KMT2C: variants seen among roughly 807,000 people sequenced by gnomAD.
The protein encoded by KMT2C is histone-lysine N-methyltransferase 2C.
KMT2C carries 88 observed loss-of-function variants against 507.9 expected under a neutral mutation model. The ratio of observed to expected loss-of-function variants is 0.17; its 90% CI spans 0.15 to 0.21. KMT2C has a LOEUF of 0.21. Ranked by LOEUF, KMT2C falls within the 10% of genes least tolerant of loss-of-function variation. The probability of loss-of-function intolerance (pLI) is 1.00; values close to 1 mark genes in which losing one functional copy is unlikely to be tolerated. For synonymous variants in KMT2C, 2,049 were observed against 2,080.8 expected (o/e 0.98, Z 0.42); for missense variants, 4,954 against 5,957.8 (o/e 0.83, Z 5.55).
rs542286309 is a variant in KMT2C at position 152,244,616 on chromosome 7, C to T, written c.2532+3286G>A. 3.9e-5 allele frequency among the ~76,000 whole-genome samples: 6 copies of T among 152,276 alleles called. No homozygotes were observed. The East Asian group carries it at 1.2e-3, about 29-fold the overall frequency. On this transcript the variant is annotated intron_variant, in intron 14 of 58. Transcript: ENST00000262189. The stretch of plus-strand genomic sequence containing the variant: ...AAAAGATGAGAAAATACAACTAGGT[C>T]ATTAGGACAATTTGTATGAAACAAT...
At position 152,162,818 on chromosome 7, in the gene KMT2C, G is replaced by C. The variant is rs567451018; in HGVS notation, c.10759C>G (p.Gln3587Glu). 19 of 1,614,102 alleles carry C rather than the reference G, an allele frequency of 1.2e-5. No homozygotes were observed. The highest frequency in any genetic ancestry group is 4.0e-5 in the African/African-American group (3 of 75,002). The change falls in exon 43 of 59, where the codon CAA (glutamine) becomes GAA (glutamate). Residue 3587 changes from glutamine to glutamate, a missense_variant. Transcript: ENST00000262189. The part of the protein sequence containing the change: ...THGHSYPGST[Q>E]SLIQLYSDII... Reference sequence around the variant, plus strand: ...TCAGAATACAACTGAATGAGCGATTGGGTTGATCCCGGATAACTGTGTCCA... The same window carrying C: ...TCAGAATACAACTGAATGAGCGATTCGGTTGATCCCGGATAACTGTGTCCA...
In KMT2C at chr7:152,372,148, C is replaced by T. The variant is rs572999524; in HGVS notation, c.162-13473G>A. On this transcript the variant is annotated intron_variant, in intron 1 of 58. Coordinates refer to ENST00000262189, the MANE Select transcript of KMT2C (RefSeq NM_170606.3). ...AAGAATTAAGCTCTCCAATAAGACA[C>T]AGATTGAATGGATTTTTGATTGTTT... Among the ~76,000 whole-genome samples the T allele has an allele frequency of 5.9e-5, 9 of 152,122 alleles. No homozygotes were observed. In the East Asian group the frequency reaches 1.7e-3, roughly 29 times the overall value.
chr7:152,234,267 A>C (rs1294933607), intron 16 of KMT2C, among the ~76,000 whole-genome samples: 1 of 152,192 alleles, frequency 6.6e-6, no homozygotes, highest in Non-Finnish European at 1.5e-5. Context: ...CTGTAATCCC[A>C]GCTACCCAGG....
Position 152,330,670 on chromosome 7 carries a change from G to A in KMT2C, c.320C>T (p.Thr107Ile). The change falls in exon 3 of 59, where the codon ACT becomes ATT. Residue 107 changes from threonine (T) to isoleucine (I), a missense_variant. Coordinates refer to ENST00000262189, the MANE Select transcript of KMT2C (RefSeq NM_170606.3). ...EVDNSKQLIPTLQRSVSEESA... is the reference protein window; with the variant it reads ...EVDNSKQLIPILQRSVSEESA... ...TTCCTCAGACACAGATCGCTGAAGAGTTGGAATTAGCTGTTTGCTGTTATC... is the reference window on the plus strand; with the variant it reads ...TTCCTCAGACACAGATCGCTGAAGAATTGGAATTAGCTGTTTGCTGTTATC... 6.2e-7 allele frequency: 1 copy of A among 1,614,042 alleles called. No homozygotes were observed. Among genetic ancestry groups the A allele is most frequent in the Non-Finnish European group, 8.5e-7 (1 of 1,179,898 alleles).
chr7:152,431,702 T>C (rs1173874233), intron 1 of KMT2C, among the ~76,000 whole-genome samples: 1 of 152,106 alleles, frequency 6.6e-6, no homozygotes, highest in Admixed American at 6.6e-5. Context: ...GTAGCAATCC[T>C]GAGTCAACTT....
At chr7:152,431,795 T>C (rs2097864678) in intron 1 of KMT2C, among the ~76,000 whole-genome samples, 1 of 152,162 alleles carries the variant, frequency 6.6e-6, no homozygotes, top group Non-Finnish European at 1.5e-5. Context: ...TCTTGGACAA[T>C]AAATTATTAA....
chr7:152,304,744 TTGC>T (rs1332663809), intron 6 of KMT2C, among the ~76,000 whole-genome samples: 1 of 152,196 alleles, frequency 6.6e-6, no homozygotes, highest in African/African-American at 2.4e-5. Context: ...TCTCACTATG[TTGC>T]TCAGGCTGGT....
chr7:152,215,252 A>G (rs1029058558), intron 23 of KMT2C, among the ~76,000 whole-genome samples: 3 of 151,954 alleles, frequency 2.0e-5, no homozygotes, highest in Admixed American at 6.6e-5. Flanking sequence ...GGTGGCTCAC[A>G]CCTGTAATCC....
At chr7:152,369,273 A>C (rs1213112739) in intron 1 of KMT2C, among the ~76,000 whole-genome samples, 2 of 152,086 alleles carry the variant, frequency 1.3e-5, no homozygotes, top group Non-Finnish European at 2.9e-5. Flanking sequence ...CAGTGAACCA[A>C]GATCACGCCA....
At position 152,163,338 on chromosome 7, in the gene KMT2C, G is replaced by C. The variant is rs1422436901; in HGVS notation, c.10239C>G (p.Ile3413Met). The C allele has an allele frequency of 1.2e-6, 2 of 1,614,032 alleles. No individual in the cohort carries two copies. Among genetic ancestry groups the C allele is most frequent in the Admixed American group, 3.3e-5 (2 of 60,002 alleles). ...GTCTATCTACCTCCTGCATGAGTTG[G>C]ATCCGTTGTCTCTCTTGCTGTTCTC... ...RLREQQERQR[I>M]QLMQEVDRQR... The change falls in exon 43 of 59, where the codon ATC becomes ATG. Residue 3413 changes from isoleucine (I) to methionine (M), a missense_variant. Ile to Met is a conservative substitution (Grantham distance 10). This residue lies in a region of KMT2C where 801 missense variants were observed against 751.2 expected (regional missense o/e 1.07). Transcript: ENST00000262189.
At chr7:152,194,151 T>C (rs1304897424) in intron 30 of KMT2C, 23 bp from the exon 31 acceptor site, 1 of 1,564,636 alleles carries the variant, frequency 6.4e-7, no homozygotes, top group Non-Finnish European at 8.6e-7. Context: ...ACAATAATAG[T>C]AACAAGATTA....
chr7:152,262,857 G>A (rs928674787), intron 9 of KMT2C, among the ~76,000 whole-genome samples, 159 bp downstream of exon 9: 2 of 152,156 alleles, frequency 1.3e-5, no homozygotes, highest in South Asian at 2.1e-4. Context: ...TCATTATCTT[G>A]AAGAGTGTAC....
At chr7:152,155,710 T>C (rs1055194810) in intron 46 of KMT2C, among the ~76,000 whole-genome samples, 200 bp downstream of exon 46, 8 of 152,178 alleles carry the variant, frequency 5.3e-5, no homozygotes, top group South Asian at 2.1e-4. Context: ...CTATATGATG[T>C]AGGCTTAAAA....
chr7:152,223,179 AAAT>A (rs1316414648), intron 20 of KMT2C, among the ~76,000 whole-genome samples: 1 of 152,198 alleles, frequency 6.6e-6, no homozygotes, highest in Non-Finnish European at 1.5e-5. Context: ...ACTACTGATA[AAAT>A]AATACTATTA....
intron 23 of KMT2C, among the ~76,000 whole-genome samples, chr7:152,211,358 A>C (rs1563410978): frequency 6.6e-6 from 1 of 152,236 alleles, no homozygotes; most frequent in Non-Finnish European, 1.5e-5. Context: ...GAGCTATGGA[A>C]TATACGTTCC....
Position 152,187,439 on chromosome 7 carries a change from G to A in KMT2C, c.4831C>T (p.Pro1611Ser), listed in dbSNP as rs770416252. 195 of 1,613,902 alleles carry A rather than the reference G, an allele frequency of 1.2e-4. No individual in the cohort carries two copies. The South Asian group carries it at 2.1e-3, about 17-fold the overall frequency. The change falls in exon 33 of 59, where the codon CCT becomes TCT. Residue 1611 changes from proline (P) to serine (S), a missense_variant. Physicochemically the swap from Pro to Ser is moderately conservative, Grantham distance 74. Around this residue, in one of 29 missense-constraint regions of KMT2C, gnomAD observed 195 missense variants for 183.7 expected, o/e 1.06. Transcript: ENST00000262189. ...GCTGATGATGTCCAAGAGTTGTTAG[G>A]ATCACTTGCCATTGGATTAAAGGCT... ...NSAFNPMASD[P>S]NNSWTSSAPT...
intron 23 of KMT2C, among the ~76,000 whole-genome samples, chr7:152,217,122 G>A (rs939816348): frequency 1.3e-5 from 2 of 152,076 alleles, no homozygotes; most frequent in South Asian, 2.1e-4. Context: ...ATCAAAACAC[G>A]TTAGTGAAAC....
intron 1 of KMT2C, among the ~76,000 whole-genome samples, chr7:152,400,301 T>C (rs1207590655): frequency 6.6e-6 from 1 of 151,814 alleles, no homozygotes; most frequent in Non-Finnish European, 1.5e-5. Context: ...AGAGCAAGAC[T>C]CCGTCTCAAA....
intron 1 of KMT2C, among the ~76,000 whole-genome samples, chr7:152,415,724 C>CA (rs2097728179): frequency 6.6e-6 from 1 of 151,776 alleles, no homozygotes; most frequent in Non-Finnish European, 1.5e-5. Flanking sequence ...ACTAAAAATA[C>CA]AAAAAAATAG....
Sources: allele counts gnomAD v4.1 joint callset (sites outside exome capture counted in the v4.1 genomes callset), GRCh38; gene constraint gnomAD v4.1.1; regional missense constraint gnomAD v4.1.1; transcripts MANE v1.5; gene names NCBI Gene and HGNC (gene_info 2026-07-23, HGNC 2026-07-21).